The following RAD52 variants were observed in gnomAD, a reference collection of about 807,000 sequenced individuals.
RAD52 encodes DNA repair protein RAD52 homolog.
RAD52 carries 47 observed loss-of-function variants against 55.5 expected under a neutral mutation model. The ratio of observed to expected loss-of-function variants is 0.85; its 90% confidence interval spans 0.67 to 1.08. The LOEUF (loss-of-function observed/expected upper bound fraction) is 1.08, where lower values mean the gene tolerates loss of function less well. RAD52 is among the 50% of genes least tolerant of loss of function. The probability of loss-of-function intolerance (pLI) is 0.00; values close to 1 mark genes in which losing one functional copy is unlikely to be tolerated. For missense variants in RAD52, 468 were observed against 522.8 expected, an observed-to-expected ratio of 0.90 and a Z score of 1.02; for synonymous variants, 184 against 198.9, an observed-to-expected ratio of 0.92 and a Z score of 0.63.
chr12:964,153 C>CT (rs1165742813), intron 1 of RAD52, among the ~76,000 whole-genome samples: 1 of 152,098 alleles, frequency 6.6e-6, no homozygotes, highest in Non-Finnish European at 1.5e-5. Flanking sequence ...TGGTTTTACT[C>CT]TGAGAAGGAA....
At chr12:964,162 A>C (rs1592476880) in intron 1 of RAD52, among the ~76,000 whole-genome samples, 1 of 152,180 alleles carries the variant, frequency 6.6e-6, no homozygotes. Flanking sequence ...TCTGAGAAGG[A>C]AGGCCACTGA....
intron 1 of RAD52, among the ~76,000 whole-genome samples, chr12:966,380 T>C (rs1958770513): frequency 6.6e-6 from 1 of 152,036 alleles, no homozygotes; most frequent in Non-Finnish European, 1.5e-5. Flanking sequence ...TTCATGGCCA[T>C]CTTGGACCCT....
chr12:926,731 T>TA lies in RAD52; in HGVS notation c.467+413dup, dbSNP rs1191859128. 1.3e-5 allele frequency: 19 copies of TA among 1,432,702 alleles called. No individual in the cohort carries two copies. The African/African-American group carries it at 2.7e-4, about 20-fold the overall frequency. The allele number at this position is 1,432,702 out of a possible 1,614,324, so 88.7% of individuals were successfully genotyped here. On this transcript the variant is annotated intron_variant, in intron 6 of 11. Transcript: ENST00000358495. Reference sequence around the variant, plus strand: ...AATTACCCAGCCTCTGGTATTCCTGTATAGCAACATAAATGGACTAACACG... The same window carrying TA: ...AATTACCCAGCCTCTGGTATTCCTGTAATAGCAACATAAATGGACTAACACG...
At chr12:928,057 G>A (rs1045421509) in intron 5 of RAD52, among the ~76,000 whole-genome samples, 7 of 152,118 alleles carry the variant, frequency 4.6e-5, no homozygotes, top group Non-Finnish European at 7.3e-5. Flanking sequence ...TGATGACAGC[G>A]CTCTGTGATT....
chr12:932,837 CTAGG>C lies in RAD52; in HGVS notation c.84+134_84+137del, dbSNP rs1957405063. 4.7e-5 allele frequency: 31 copies of C among 658,184 alleles called. No individual in the cohort carries two copies. The Middle Eastern group carries it at 8.3e-4, about 18-fold the overall frequency. The allele number at this position is 658,184 out of a possible 1,614,324, so 40.8% of individuals were successfully genotyped here. The stretch of plus-strand genomic sequence containing the variant: ...CTCACACACGTACTAGGTAAACGTA[CTAGG>C]TACTGCTCACACACGTACTAGGTAA... On this transcript the variant is annotated intron_variant, in intron 2 of 11. Coordinates refer to ENST00000358495, the MANE Select transcript of RAD52 (RefSeq NM_134424.4).
intron 1 of RAD52, among the ~76,000 whole-genome samples, chr12:936,485 T>TAAAAAAA (rs71055107): frequency 7.4e-6 from 1 of 134,390 alleles, no homozygotes. Flanking sequence ...ATTATAAAAG[T>TAAAAAAA]AAAAAAAAAA....
At chr12:918,093 G>A (rs1045431806) in intron 7 of RAD52, among the ~76,000 whole-genome samples, 5 of 152,082 alleles carry the variant, frequency 3.3e-5, no homozygotes, top group African/African-American at 9.7e-5. Flanking sequence ...AACTAAACAC[G>A]TACCTATCTT....
intron 1 of RAD52, among the ~76,000 whole-genome samples, chr12:972,245 G>A (rs971250030): frequency 1.3e-5 from 2 of 152,118 alleles, no homozygotes; most frequent in African/African-American, 4.8e-5. Flanking sequence ...CAGTGGGGGA[G>A]ACTGAAGATA....
chr12:972,208 A>ACT (rs531527578), intron 1 of RAD52, among the ~76,000 whole-genome samples: 12 of 152,154 alleles, frequency 7.9e-5, no homozygotes, highest in Non-Finnish European at 1.3e-4. Flanking sequence ...TAATACAAGA[A>ACT]AGTCTTCTCT....
chr12:922,248 A>T (rs1400801860), intron 7 of RAD52, among the ~76,000 whole-genome samples: 1 of 150,124 alleles, frequency 6.7e-6, no homozygotes, highest in African/African-American at 2.4e-5. Context: ...GCTGGTTAGG[A>T]TTTAGAAAAA....
intron 1 of RAD52, among the ~76,000 whole-genome samples, chr12:981,771 T>TAAAATAAAATAAAATAAAATA (rs148282544): frequency 7.9e-5 from 11 of 139,618 alleles, no homozygotes; most frequent in Non-Finnish European, 1.1e-4. Context: ...AATAAATAAA[T>TAAAATAAAATAAAATAAAATA]AAATAAAATA....
upstream of RAD52, among the ~76,000 whole-genome samples, chr12:950,508 C>G (rs972094273): frequency 6.7e-6 from 1 of 150,260 alleles, no homozygotes; most frequent in Non-Finnish European, 1.5e-5. Flanking sequence ...GGGGACGGAG[C>G]CTGCAGTGAG....
In RAD52 at chr12:956,793, T is replaced by C. The variant is rs1244809162; in HGVS notation, c.-18-23717A>G. On this transcript the variant is annotated intron_variant, in intron 1 of 11. Coordinates refer to the RAD52 transcript ENST00000430095. ...AACTCCTGACCTCAGGTTATCTGCCTACCTCGGCCTCCCAAAGTGCTGGGA... is the reference window on the plus strand; with the variant it reads ...AACTCCTGACCTCAGGTTATCTGCCCACCTCGGCCTCCCAAAGTGCTGGGA... Among the ~76,000 whole-genome samples the C allele has an allele frequency of 3.3e-5, 5 of 152,134 alleles. No individual in the cohort carries two copies. The East Asian group carries it at 9.7e-4, about 29-fold the overall frequency.
chr12:989,131 G>A (rs1215725422), intron 1 of RAD52, among the ~76,000 whole-genome samples: 2 of 152,122 alleles, frequency 1.3e-5, no homozygotes, highest in Non-Finnish European at 2.9e-5. Flanking sequence ...GAGATATAGG[G>A]AGGGTTCTGC....
intron 1 of RAD52, among the ~76,000 whole-genome samples, chr12:962,130 G>A (rs181643425): frequency 6.9e-4 from 102 of 148,084 alleles, no homozygotes; most frequent in African/African-American, 2.1e-3. Context: ...TACTCCAGAA[G>A]CAGAGAGAAG....
rs11571447 is a variant in RAD52, at chr12:926,625, C to T, written c.467+520G>A. Among the ~76,000 whole-genome samples the T allele has an allele frequency of 7.4e-4, 113 of 152,306 alleles. 1 individual carries two copies. Among genetic ancestry groups the T allele is most frequent in the Non-Finnish European group, 1.4e-3 (95 of 68,034 alleles). On this transcript the variant is annotated intron_variant, in intron 6 of 11. Coordinates refer to ENST00000358495, the MANE Select transcript of RAD52 (RefSeq NM_134424.4). ...TGCCATGATTAGAAGCTTCCTGAGG[C>T]CTCAGCAGAAGTGGATGCTGGCACC...
chr12:951,378 C>G (rs866881193), upstream of RAD52, among the ~76,000 whole-genome samples: 1 of 152,248 alleles, frequency 6.6e-6, no homozygotes, highest in Non-Finnish European at 1.5e-5. Flanking sequence ...TTCCAAAGCA[C>G]TGGGATTACA....
intron 1 of RAD52, among the ~76,000 whole-genome samples, chr12:971,408 G>C (rs553208722): frequency 6.6e-6 from 1 of 152,130 alleles, no homozygotes; most frequent in African/African-American, 2.4e-5. Context: ...ATCGTGAACT[G>C]GGGAGGCAGG....
upstream of RAD52, among the ~76,000 whole-genome samples, chr12:952,763 G>A (rs1426599106): frequency 2.7e-5 from 4 of 149,060 alleles, no homozygotes; most frequent in African/African-American, 9.9e-5. Flanking sequence ...ATGGTGGTGG[G>A]TGCCTGTAAT....
Sources: gnomAD v4.1 joint callset for allele counts (sites outside exome capture counted in the v4.1 genomes callset) on GRCh38, gnomAD v4.1.1 for gene constraint, MANE v1.5 for transcripts, NCBI Gene and HGNC (gene_info 2026-07-23, HGNC 2026-07-21) for gene names.